FAM168A: variants seen among roughly 807,000 people sequenced by gnomAD.
FAM168A encodes the protein protein FAM168A.
In FAM168A, 3 loss-of-function variants were observed where a neutral mutation model predicts 28.5. The observed-to-expected ratio is 0.11, with a 90% CI of 0.05 to 0.27. FAM168A has a LOEUF of 0.27. Ranked by LOEUF, FAM168A falls within the 10% of genes least tolerant of loss-of-function variation. The probability of loss-of-function intolerance (pLI) is 1.00; values close to 1 mark genes in which losing one functional copy is unlikely to be tolerated. For missense variants in FAM168A, 222 were observed against 311.5 expected (o/e 0.71, Z 2.16); for synonymous variants, 122 against 124.2 (o/e 0.98, Z 0.12).
At chr11:73,493,709 G>A (rs1854808774) in intron 1 of FAM168A, among the ~76,000 whole-genome samples, 1 of 152,118 alleles carries the variant, frequency 6.6e-6, no homozygotes, top group Admixed American at 6.5e-5. Context: ...GAGCCACCAT[G>A]CGCAGCCTTG....
intron 1 of FAM168A, among the ~76,000 whole-genome samples, chr11:73,484,682 C>A (rs1206460215): frequency 4.7e-5 from 6 of 128,840 alleles, no homozygotes; most frequent in Admixed American, 7.8e-5. Context: ...ATATGTATCG[C>A]TATAGATATA....
At position 73,495,127 on chromosome 11, in the gene FAM168A, T is replaced by TAAA. The variant is rs765656317; in HGVS notation, c.-18-26638_-18-26636dup. Among the ~76,000 whole-genome samples, 66 of 125,708 alleles carry TAAA rather than the reference T, an allele frequency of 5.3e-4. 1 individual carries two copies. Among genetic ancestry groups the TAAA allele is most frequent in the African/African-American group, 1.7e-3 (64 of 36,784 alleles). 82.5% of individuals were successfully genotyped at this position (125,708 alleles called of 152,430 possible). A position where few individuals can be genotyped will look rare whatever the true frequency, so the allele number is the denominator to read the frequency against. On this transcript the variant is annotated intron_variant, in intron 1 of 7. Coordinates refer to ENST00000356467, the MANE Select transcript of FAM168A (RefSeq NM_015159.3). ...AATTTGAGGCTTAATGGTATAGACG[T>TAAA]AAAAAAAAAAAAAAAATCAAACTGA...
At chr11:73,490,756 T>C (rs546182621) in intron 1 of FAM168A, among the ~76,000 whole-genome samples, 3 of 152,302 alleles carry the variant, frequency 2.0e-5, no homozygotes, top group Admixed American at 1.3e-4. Flanking sequence ...CTCAACATTA[T>C]AGTTATCTTC....
intron 1 of FAM168A, among the ~76,000 whole-genome samples, chr11:73,516,876 C>G (rs1943310929): frequency 6.6e-6 from 1 of 152,170 alleles, no homozygotes; most frequent in African/African-American, 2.4e-5. Flanking sequence ...TGTGCCTGCT[C>G]AATCTTACAG....
At chr11:73,407,079 T>C (rs1260616474) in intron 7 of FAM168A, among the ~76,000 whole-genome samples, 6 of 152,176 alleles carry the variant, frequency 3.9e-5, no homozygotes, top group African/African-American at 1.4e-4. Flanking sequence ...CAAGAGTTCA[T>C]TTGAAGAATG....
intron 1 of FAM168A, among the ~76,000 whole-genome samples, chr11:73,573,868 A>C (rs1381638221): frequency 6.6e-6 from 1 of 152,134 alleles, no homozygotes; most frequent in Non-Finnish European, 1.5e-5. Flanking sequence ...AGGTGAGAGG[A>C]TCACTATGTC....
chr11:73,416,035 TAA>T (rs895256757), intron 4 of FAM168A, among the ~76,000 whole-genome samples: 2 of 152,212 alleles, frequency 1.3e-5, no homozygotes, highest in African/African-American at 4.8e-5. Context: ...CTTGCTGAGT[TAA>T]AGTCTCTGTA....
chr11:73,474,433 GC>G (rs1867860329), intron 1 of FAM168A, among the ~76,000 whole-genome samples: 1 of 151,970 alleles, frequency 6.6e-6, no homozygotes, highest in South Asian at 2.1e-4. Context: ...AAACTGCTGG[GC>G]TCAAGTGATC....
chr11:73,528,203 C>G (rs555624245), intron 1 of FAM168A, among the ~76,000 whole-genome samples: 2 of 152,160 alleles, frequency 1.3e-5, no homozygotes, highest in African/African-American at 4.8e-5. Context: ...CAGAGGCGTT[C>G]GAACCAGAGC....
At chr11:73,477,268 C>T (rs888186701) in intron 1 of FAM168A, among the ~76,000 whole-genome samples, 3 of 152,136 alleles carry the variant, frequency 2.0e-5, no homozygotes, top group Admixed American at 1.3e-4. Context: ...GTACTATGCT[C>T]GCTACCTGGG....
chr11:73,423,582 T>C (rs1866834964), intron 3 of FAM168A, among the ~76,000 whole-genome samples: 1 of 152,204 alleles, frequency 6.6e-6, no homozygotes, highest in Admixed American at 6.5e-5. Flanking sequence ...TGCTACCTCT[T>C]CTGGCATGTA....
chr11:73,449,660 G>A (rs552932076), intron 2 of FAM168A, among the ~76,000 whole-genome samples: 1 of 152,228 alleles, frequency 6.6e-6, no homozygotes, highest in Non-Finnish European at 1.5e-5. Context: ...AAGGTTTGGA[G>A]TCAGGTCTTG....
intron 1 of FAM168A, among the ~76,000 whole-genome samples, chr11:73,477,405 G>GA (rs948036110): frequency 1.4e-5 from 2 of 147,780 alleles, no homozygotes; most frequent in African/African-American, 2.5e-5. Context: ...ACCACAAATT[G>GA]AAAAAAAAAG....
chr11:73,515,455 C>T (rs1425540571), intron 1 of FAM168A, among the ~76,000 whole-genome samples: 2 of 150,274 alleles, frequency 1.3e-5, no homozygotes, highest in African/African-American at 4.9e-5. Flanking sequence ...TTGCAGTGAG[C>T]CGAGATTGTG....
chr11:73,412,387 C>T (rs1231502465), intron 4 of FAM168A: 1 of 152,184 alleles, frequency 6.6e-6, no homozygotes, highest in Non-Finnish European at 1.5e-5. Flanking sequence ...AAAGCTGGAG[C>T]TAAGAATGGG....
intron 1 of FAM168A, among the ~76,000 whole-genome samples, chr11:73,493,065 T>C (rs2134610591): frequency 6.6e-6 from 1 of 152,202 alleles, no homozygotes; most frequent in Middle Eastern, 3.4e-3. Context: ...ACCTATTGGG[T>C]ACTACGCTCA....
intron 1 of FAM168A, among the ~76,000 whole-genome samples, chr11:73,506,908 T>A (rs1855126705): frequency 6.6e-6 from 1 of 152,184 alleles, no homozygotes; most frequent in Admixed American, 6.5e-5. Context: ...CTCACATATA[T>A]AATCATTTCA....
chr11:73,424,426 G>C (rs1866847609), intron 3 of FAM168A, among the ~76,000 whole-genome samples: 1 of 152,060 alleles, frequency 6.6e-6, no homozygotes, highest in Admixed American at 6.6e-5. Context: ...AAGTTCCCGT[G>C]GTGCCTTGGG....
chr11:73,556,418 A>C (rs941735606), intron 1 of FAM168A, among the ~76,000 whole-genome samples: 6 of 150,904 alleles, frequency 4.0e-5, no homozygotes, highest in Non-Finnish European at 7.4e-5. Context: ...AATAATAATA[A>C]TAATTTAAAT....
Sources: allele counts gnomAD v4.1 joint callset (sites outside exome capture counted in the v4.1 genomes callset), GRCh38; gene constraint gnomAD v4.1.1; transcripts MANE v1.5; gene names NCBI Gene and HGNC (gene_info 2026-07-23, HGNC 2026-07-21).